ZHX1: variants seen among roughly 807,000 people sequenced by gnomAD.
The protein encoded by ZHX1 is zinc fingers and homeoboxes 1, also known as zinc fingers and homeoboxes protein 1.
In ZHX1, 20 loss-of-function variants were observed where a neutral mutation model predicts 61.8. The ratio of observed to expected loss-of-function variants is 0.32; its 90% CI spans 0.23 to 0.47. ZHX1 has a LOEUF of 0.47. Ranked by LOEUF, ZHX1 falls within the 20% of genes least tolerant of loss-of-function variation. ZHX1 has a pLI of 1.00. For missense variants in ZHX1, 800 were observed against 1,034.8 expected, an observed-to-expected ratio of 0.77 and a Z score of 3.11; for synonymous variants, 318 against 352.6, an observed-to-expected ratio of 0.90 and a Z score of 1.10.
At chr8:123,265,522 C>T (rs1210928764) in intron 2 of ZHX1, among the ~76,000 whole-genome samples, 2 of 151,314 alleles carry the variant, frequency 1.3e-5, no homozygotes, top group East Asian at 3.9e-4. Context: ...AGGTATCCAC[C>T]GTGTTAAAAA....
Position 123,253,778 on chromosome 8 carries a change from G to C in ZHX1, c.2169C>G (p.Tyr723Ter). Residue 723 changes from tyrosine to a stop codon, truncating the protein, a stop_gained, in exon 3 of 4, where the codon TAC becomes TAG. Coordinates refer to ENST00000395571, the MANE Select transcript of ZHX1 (RefSeq NM_007222.5). LOFTEE classifies it high-confidence loss of function. ...YAWKNGNLKW[Y>*]YYYQSANSSS... The stretch of plus-strand genomic sequence containing the variant: ...TTGAATTGGCGCTCTGATAGTAGTA[G>C]TACCATTTCAAGTTTCCATTCTTCC... 1 of 1,614,190 alleles carries C rather than the reference G, an allele frequency of 6.2e-7. No homozygotes were observed. The highest frequency in any genetic ancestry group is 8.5e-7 in the Non-Finnish European group (1 of 1,180,024).
chr8:123,256,803 A>G (rs1290246897), intron 2 of ZHX1, among the ~76,000 whole-genome samples: 1 of 152,008 alleles, frequency 6.6e-6, no homozygotes, highest in Non-Finnish European at 1.5e-5. Context: ...CCATTAGTTC[A>G]TTAGTTATGT....
chr8:123,253,892 T>C lies in ZHX1; in HGVS notation c.2055A>G (p.Pro685=). The change falls in exon 3 of 4, where the codon CCA becomes CCG. Residue 685 remains proline, a synonymous_variant. Transcript: ENST00000395571. ...CCAACTTGTCATACTCTTCTGGTGA[T>C]GGCCACTGTGTCCGGACAAATGCAC... ...LKSAFVRTQW[P]SPEEYDKLAK... The C allele has an allele frequency of 1.2e-6, 2 of 1,614,226 alleles. No homozygotes were observed. The highest frequency in any genetic ancestry group is 2.2e-5 in the East Asian group (1 of 44,886).
At chr8:123,252,651 G>T (rs539885593) in intron 3 of ZHX1, 1 of 152,176 alleles carries the variant, frequency 6.6e-6, no homozygotes, top group Admixed American at 6.5e-5. Context: ...AAGCAAACAT[G>T]AATTTATATA....
chr8:123,259,530 A>T (rs1826181522), intron 2 of ZHX1, among the ~76,000 whole-genome samples: 1 of 152,224 alleles, frequency 6.6e-6, no homozygotes, highest in Non-Finnish European at 1.5e-5. Context: ...AGGCAGGAAG[A>T]TTCCCTGAGT....
At position 123,253,738 on chromosome 8, in the gene ZHX1, G is replaced by T; in HGVS notation, c.2209C>A (p.Leu737Met). ...QSANSSSMNGLSSLRKRGRGR... is the reference protein window; with the variant it reads ...QSANSSSMNGMSSLRKRGRGR... ...CTCCCTCTTTTCCTAAGGGAAGACA[G>T]ACCATTCATACTACTTGAATTGGCG... The change falls in exon 3 of 4, where the codon CTG becomes ATG. Residue 737 changes from leucine (L) to methionine (M), a missense_variant. Coordinates refer to ENST00000395571, the MANE Select transcript of ZHX1 (RefSeq NM_007222.5). 6.2e-7 allele frequency: 1 copy of T among 1,614,212 alleles called. No individual in the cohort carries two copies. The highest frequency in any genetic ancestry group is 8.5e-7 in the Non-Finnish European group (1 of 1,180,040).
In ZHX1 at chr8:123,254,299, G is replaced by A. The variant is rs1691172368; in HGVS notation, c.1648C>T (p.Pro550Ser). The A allele has an allele frequency of 6.2e-7, 1 of 1,614,002 alleles. No homozygotes were observed. Among genetic ancestry groups the A allele is most frequent in the African/African-American group, 1.3e-5 (1 of 74,916 alleles). ...TTAGGCTGTGCAGTACCAACAGTTG[G>A]GGATTCCGTGGTTTCATCACTGGAG... ...IDSSDETTES[P>S]TVGTAQPKQS... Residue 550 changes from proline to serine, a missense_variant, in exon 3 of 4, where the codon CCA (proline) becomes TCA (serine). By Grantham distance (74) the Pro-to-Ser change is moderately conservative (BLOSUM62 -1). Coordinates refer to ENST00000395571, the MANE Select transcript of ZHX1 (RefSeq NM_007222.5). This position sits in a 1 kb window ranked among gnomAD's most constrained non-coding sequence, Gnocchi z 4.1.
rs1284480369 is a variant in ZHX1 at position 123,253,863 on chromosome 8, T to C, written c.2084A>G (p.Lys695Arg). 1 of 1,614,214 alleles carries C rather than the reference T, an allele frequency of 6.2e-7. No homozygotes were observed. Among genetic ancestry groups the C allele is most frequent in the Non-Finnish European group, 8.5e-7 (1 of 1,180,024 alleles). The change falls in exon 3 of 4, where the codon AAA becomes AGA. Residue 695 changes from lysine (K) to arginine (R), a missense_variant. Transcript: ENST00000395571. ...GTCTGTTCTAGCAAGCCCGCTTTCT[T>C]TGGCCAACTTGTCATACTCTTCTGG... ...PSPEEYDKLA[K>R]ESGLARTDIV... is the part of the protein sequence containing the mutation.
At chr8:123,275,095 C>A (rs1826802484), upstream of ZHX1, among the ~76,000 whole-genome samples, 1 of 152,208 alleles carries the variant, frequency 6.6e-6, no homozygotes, top group Non-Finnish European at 1.5e-5. Context: ...GCGGAGCCGC[C>A]CTCTGCCCCT....
At chr8:123,259,563 C>T (rs780628201) in intron 2 of ZHX1, among the ~76,000 whole-genome samples, 7 of 151,960 alleles carry the variant, frequency 4.6e-5, no homozygotes, top group Non-Finnish European at 1.0e-4. Context: ...GACTGGGCAA[C>T]ATGGTAAGAT....
Position 123,254,147 on chromosome 8 carries a change from C to T in ZHX1, c.1800G>A (p.Arg600=), listed in dbSNP as rs868052579. 3.1e-6 allele frequency: 5 copies of T among 1,614,102 alleles called. No homozygotes were observed. The Middle Eastern group carries it at 4.9e-4, about 160-fold the overall frequency. ...TGGTAAGTTTGGTTTGTGCCCTTAA[C>T]CTATTTAATTCTTCATCTGTAAGTA... ...SSVLTDEELN[R]LRAQTKLTRR... Residue 600 remains arginine (R), a synonymous_variant, in exon 3 of 4, where the codon AGG becomes AGA. Coordinates refer to ENST00000395571, the MANE Select transcript of ZHX1 (RefSeq NM_007222.5). The surrounding 1 kb of genome is among the most constrained non-coding windows in gnomAD (Gnocchi z 4.1).
At chr8:123,267,976 G>C (rs1410364840) in intron 1 of ZHX1, among the ~76,000 whole-genome samples, 1 of 151,972 alleles carries the variant, frequency 6.6e-6, no homozygotes, top group African/African-American at 2.4e-5. Flanking sequence ...ACCCCAGTCT[G>C]GGCAACAAGA....
At chr8:123,274,639 C>T (rs1162233092), upstream of ZHX1, 1 of 152,122 alleles carries the variant, frequency 6.6e-6, no homozygotes, top group East Asian at 1.9e-4. Flanking sequence ...AGCCCCGCCC[C>T]AGACTGCGGA....
At position 123,254,707 on chromosome 8, in the gene ZHX1, C is replaced by A; in HGVS notation, c.1240G>T (p.Ala414Ser). Residue 414 changes from alanine to serine, a missense_variant, in exon 3 of 4, where the codon GCC becomes TCC. Physicochemically the swap from Ala to Ser is moderately conservative, Grantham distance 99 (BLOSUM62 1). Transcript: ENST00000395571. The surrounding 1 kb of genome is among the most constrained non-coding windows in gnomAD (Gnocchi z 4.1). ...CTTGGAACGCCTGCCACTGTCAAGG[C>A]TATAGGTGCTGTAACTGGCAAGGTG... ...TNTLPVTAPI[A>S]LTVAGVPSQN... is the part of the protein sequence containing the mutation. The A allele has an allele frequency of 6.2e-7, 1 of 1,614,168 alleles. No homozygotes were observed. The highest frequency in any genetic ancestry group is 8.5e-7 in the Non-Finnish European group (1 of 1,180,032).
chr8:123,272,348 T>C (rs1481637568), intron 1 of ZHX1, among the ~76,000 whole-genome samples: 1 of 152,218 alleles, frequency 6.6e-6, no homozygotes. Context: ...TTTTACTTTG[T>C]ATAAAATTAG....
At chr8:123,262,470 T>G (rs1450480484) in intron 2 of ZHX1, among the ~76,000 whole-genome samples, 2 of 152,154 alleles carry the variant, frequency 1.3e-5, no homozygotes, top group Non-Finnish European at 2.9e-5. Flanking sequence ...TGGGTGACAT[T>G]TTTATGTGTG....
At chr8:123,275,035 C>T (rs1826801310), upstream of ZHX1, among the ~76,000 whole-genome samples, 1 of 152,222 alleles carries the variant, frequency 6.6e-6, no homozygotes, top group African/African-American at 2.4e-5. Flanking sequence ...GCAGCTCCAC[C>T]CGCTGACACC....
chr8:123,255,997 A>T lies in ZHX1; in HGVS notation c.-51T>A, dbSNP rs985886344. Reference sequence around the variant, plus strand: ...TGGTGATTAAAAAGCATCGAGGCTTAAAACTGTTCAGTGTTCTTCATTTGA... The same window carrying T: ...TGGTGATTAAAAAGCATCGAGGCTTTAAACTGTTCAGTGTTCTTCATTTGA... On this transcript the variant is annotated 5_prime_UTR_variant, in exon 3 of 4. It removes the in-frame stop codon of an upstream open reading frame in the 5' UTR. Transcript: ENST00000395571. 1 of 1,507,126 alleles carries T rather than the reference A, an allele frequency of 6.6e-7. No homozygotes were observed. Among genetic ancestry groups the T allele is most frequent in the South Asian group, 1.3e-5 (1 of 74,120 alleles). 93.4% of individuals were successfully genotyped at this position (1,507,126 alleles called of 1,614,324 possible). A position where few individuals can be genotyped will look rare whatever the true frequency, so the allele number is the denominator to read the frequency against.
At chr8:123,263,260 A>G (rs189691999) in intron 2 of ZHX1, among the ~76,000 whole-genome samples, 1 of 152,182 alleles carries the variant, frequency 6.6e-6, no homozygotes, top group Admixed American at 6.5e-5. Flanking sequence ...CCGTAGATCT[A>G]TCTGTATACT....
Sources: allele counts gnomAD v4.1 joint callset (sites outside exome capture counted in the v4.1 genomes callset), GRCh38; gene constraint gnomAD v4.1.1; non-coding constraint Gnocchi (gnomAD v3.1); transcripts MANE v1.5; gene names NCBI Gene and HGNC (gene_info 2026-07-23, HGNC 2026-07-21).